TMEM132C: variants seen among roughly 807,000 people sequenced by gnomAD.
The protein encoded by TMEM132C is protein phosphatase 1, regulatory subunit 152.
TMEM132C carries 29 observed loss-of-function variants against 61.4 expected under a neutral mutation model. The ratio of observed to expected loss-of-function variants is 0.47; its 90% CI spans 0.35 to 0.64. The LOEUF (loss-of-function observed/expected upper bound fraction) is 0.64. TMEM132C is among the 30% of genes least tolerant of loss of function. The pLI, the probability that TMEM132C is intolerant of heterozygous loss-of-function variation, is 0.00. For missense variants in TMEM132C, 1,408 were observed against 1,476.9 expected (o/e 0.95, Z 0.76); for synonymous variants, 656 against 633.1 (o/e 1.04, Z -0.54).
chr12:128,345,879 T>G (rs2135958232), intron 1 of TMEM132C, among the ~76,000 whole-genome samples: 1 of 152,328 alleles, frequency 6.6e-6, no homozygotes, highest in South Asian at 2.1e-4. Flanking sequence ...GTGCAGAAGC[T>G]TTTTAATTTA....
At chr12:128,330,599 A>G (rs1348773336) in intron 1 of TMEM132C, among the ~76,000 whole-genome samples, 1 of 152,170 alleles carries the variant, frequency 6.6e-6, no homozygotes, top group Non-Finnish European at 1.5e-5. Flanking sequence ...TTGATTTGAA[A>G]AAAACTCATT....
chr12:128,485,264 C>T (rs1871446752), intron 2 of TMEM132C, among the ~76,000 whole-genome samples: 2 of 152,146 alleles, frequency 1.3e-5, no homozygotes, highest in Admixed American at 1.3e-4. Context: ...GCAACCTCCG[C>T]CTCGCAGGTT....
chr12:128,537,408 A>T (rs1873571782), intron 2 of TMEM132C, among the ~76,000 whole-genome samples: 1 of 152,220 alleles, frequency 6.6e-6, no homozygotes, highest in Non-Finnish European at 1.5e-5. Flanking sequence ...AGGTGTATCC[A>T]GCCTCCCATC....
intron 4 of TMEM132C, among the ~76,000 whole-genome samples, chr12:128,639,832 A>G (rs1359019428): frequency 6.6e-6 from 1 of 152,232 alleles, no homozygotes; most frequent in Non-Finnish European, 1.5e-5. Context: ...CTTTGGGGTT[A>G]CAAACAGGAT....
At chr12:128,351,888 A>G (rs1873347732) in intron 1 of TMEM132C, among the ~76,000 whole-genome samples, 1 of 152,198 alleles carries the variant, frequency 6.6e-6, no homozygotes, top group African/African-American at 2.4e-5. Flanking sequence ...ATACGTGTAC[A>G]TGTATGTGAG....
At chr12:128,473,247 T>C (rs113044865) in intron 2 of TMEM132C, among the ~76,000 whole-genome samples, 8 of 69,934 alleles carry the variant, frequency 1.1e-4, no homozygotes, top group South Asian at 5.1e-4. Flanking sequence ...CTCCAGCGTC[T>C]ATCTTCATCC....
At chr12:128,463,053 A>G (rs550818563) in intron 2 of TMEM132C, among the ~76,000 whole-genome samples, 16 of 152,244 alleles carry the variant, frequency 1.1e-4, no homozygotes, top group African/African-American at 2.4e-4. Flanking sequence ...GCTGACATTC[A>G]AGCAGGAGGA....
chr12:128,468,225 C>G (rs1177681297), intron 2 of TMEM132C, among the ~76,000 whole-genome samples: 1 of 152,132 alleles, frequency 6.6e-6, no homozygotes, highest in Non-Finnish European at 1.5e-5. Flanking sequence ...GAAGCGTAGC[C>G]TGAAGTCCTA....
intron 2 of TMEM132C, among the ~76,000 whole-genome samples, chr12:128,502,522 T>G (rs1478760868): frequency 6.6e-6 from 1 of 152,220 alleles, no homozygotes; most frequent in Non-Finnish European, 1.5e-5. Context: ...ATCACCTTTT[T>G]CACCCTAAAG....
At chr12:128,377,623 G>A (rs1874236886) in intron 1 of TMEM132C, among the ~76,000 whole-genome samples, 1 of 152,226 alleles carries the variant, frequency 6.6e-6, no homozygotes, top group South Asian at 2.1e-4. Flanking sequence ...TTATTTTGGT[G>A]AGATGAATTC....
At chr12:128,471,564 G>T (rs1184620258) in intron 2 of TMEM132C, among the ~76,000 whole-genome samples, 1 of 152,192 alleles carries the variant, frequency 6.6e-6, no homozygotes, top group African/African-American at 2.4e-5. Context: ...TGCTAAAGGG[G>T]ATTAAAATGG....
intron 2 of TMEM132C, among the ~76,000 whole-genome samples, chr12:128,451,391 AC>A (rs530903224): frequency 8.1e-4 from 124 of 152,268 alleles, no homozygotes; most frequent in Non-Finnish European, 1.3e-3. Context: ...GGCTTCCTTT[AC>A]TTTCTGATTT....
At chr12:128,349,776 T>C (rs1873280676) in intron 1 of TMEM132C, among the ~76,000 whole-genome samples, 1 of 152,340 alleles carries the variant, frequency 6.6e-6, no homozygotes, top group East Asian at 1.9e-4. Context: ...AATTTCCACC[T>C]GATCCATTGG....
At chr12:128,379,354 A>G (rs1050100641) in intron 1 of TMEM132C, among the ~76,000 whole-genome samples, 5 of 152,228 alleles carry the variant, frequency 3.3e-5, no homozygotes, top group Admixed American at 6.5e-5. Flanking sequence ...CAGCCCACAC[A>G]GTTTGGAGGA....
At chr12:128,526,188 G>A (rs866992610) in intron 2 of TMEM132C, among the ~76,000 whole-genome samples, 3 of 152,186 alleles carry the variant, frequency 2.0e-5, no homozygotes, top group Non-Finnish European at 2.9e-5. Context: ...GACAAAGAAG[G>A]CAAAGTCCTT....
chr12:128,268,832 A>G (rs375919424), intron 1 of TMEM132C, among the ~76,000 whole-genome samples: 47 of 147,710 alleles, frequency 3.2e-4, no homozygotes, highest in African/African-American at 1.0e-3. Context: ...TATGTTTTAT[A>G]TAAGTGTTCC....
At chr12:128,656,712 C>T (rs1404501308) in intron 4 of TMEM132C, among the ~76,000 whole-genome samples, 2 of 152,202 alleles carry the variant, frequency 1.3e-5, no homozygotes, top group Non-Finnish European at 2.9e-5. Flanking sequence ...CCAGGCACCA[C>T]ACTTTGAGAA....
chr12:128,458,751 A>G (rs1163182083), intron 2 of TMEM132C, among the ~76,000 whole-genome samples: 1 of 152,170 alleles, frequency 6.6e-6, no homozygotes, highest in East Asian at 1.9e-4. Flanking sequence ...CAAGCTACCA[A>G]CATGAGGTAA....
At chr12:128,612,025 G>T (rs896305666) in intron 3 of TMEM132C, among the ~76,000 whole-genome samples, 1 of 152,202 alleles carries the variant, frequency 6.6e-6, no homozygotes, top group African/African-American at 2.4e-5. Context: ...GCTGTGTGGG[G>T]GTGGAGAAGG....
Sources: allele counts gnomAD v4.1 joint callset (sites outside exome capture counted in the v4.1 genomes callset), GRCh38; gene constraint gnomAD v4.1.1; transcripts MANE v1.5; gene names NCBI Gene and HGNC (gene_info 2026-07-23, HGNC 2026-07-21).